Variants in SNX29 observed in about 807,000 individuals in gnomAD.
The protein encoded by SNX29 is sorting nexin-29.
A neutral mutation model predicts 102.1 loss-of-function variants in SNX29; 78 were observed. That is an observed-to-expected ratio of 0.76 (90% CI 0.64 to 0.92). The LOEUF is 0.92. Among genes scored for constraint, SNX29 ranks in the 40% least tolerant of loss-of-function variants. SNX29 has a pLI of 0.00. For missense variants in SNX29, 1,280 were observed against 1,061.7 expected (o/e 1.21, Z -2.86); for synonymous variants, 580 against 414.5 (o/e 1.40, Z -4.85).
chr16:12,472,105 C>A (rs190639171), intron 18 of SNX29, among the ~76,000 whole-genome samples: 6 of 152,228 alleles, frequency 3.9e-5, no homozygotes, highest in Non-Finnish European at 8.8e-5. Context: ...GAATACTATT[C>A]ATTAGTGCAA....
intron 13 of SNX29, among the ~76,000 whole-genome samples, chr16:12,195,985 C>CTTTTTTTTTTTTTTT (rs762409358): frequency 8.5e-6 from 1 of 117,980 alleles, no homozygotes; most frequent in African/African-American, 3.2e-5. Context: ...GTTTCTTTTC[C>CTTTTTTTTTTTTTTT]TTTTTTTTTT....
At chr16:12,218,980 T>C (rs2077399844) in intron 14 of SNX29, among the ~76,000 whole-genome samples, 1 of 152,114 alleles carries the variant, frequency 6.6e-6, no homozygotes, top group Non-Finnish European at 1.5e-5. Context: ...TTCACTGTGT[T>C]AGCCAGGTTG....
chr16:12,489,325 T>TG (rs1461650626), intron 19 of SNX29, among the ~76,000 whole-genome samples: 2 of 151,944 alleles, frequency 1.3e-5, no homozygotes, highest in Non-Finnish European at 2.9e-5. Context: ...TGCCACCAGT[T>TG]GGTTATTTCC....
intron 11 of SNX29, among the ~76,000 whole-genome samples, chr16:12,104,692 A>T (rs1325140267): frequency 2.0e-5 from 3 of 152,138 alleles, no homozygotes; most frequent in African/African-American, 7.2e-5. Context: ...TTATTTTCAT[A>T]AAGTGTAGTT....
chr16:12,136,938 C>A (rs1247421810), intron 13 of SNX29, among the ~76,000 whole-genome samples: 1 of 152,156 alleles, frequency 6.6e-6, no homozygotes, highest in African/African-American at 2.4e-5. Context: ...TGGGGTTTCA[C>A]CATGTTGGCC....
At position 12,568,885 on chromosome 16, in the gene SNX29, C is replaced by G. The variant is rs749383124; in HGVS notation, c.*256C>G. The G allele has an allele frequency of 5.6e-6, 3 of 537,894 alleles. No homozygotes were observed. Among genetic ancestry groups the G allele is most frequent in the Non-Finnish European group, 9.6e-6 (3 of 313,614 alleles). 33.3% of individuals were successfully genotyped at this position (537,894 alleles called of 1,614,324 possible). ...ACAGTCCTTCTGCTTCTGGGGTCTA[C>G]CCTGGGCTGCAAGGGCTGTTCCTCC... On this transcript the variant is annotated 3_prime_UTR_variant, in exon 21 of 21. Coordinates refer to ENST00000566228, the MANE Select transcript of SNX29 (RefSeq NM_032167.5).
In SNX29 at chr16:12,511,433, G is replaced by T. The variant is rs557301232; in HGVS notation, c.2179-13269G>T. 3.9e-4 allele frequency among the ~76,000 whole-genome samples: 60 copies of T among 152,256 alleles called. No homozygotes were observed. The South Asian group carries it at 0.012, about 30-fold the overall frequency. On this transcript the variant is annotated intron_variant, in intron 19 of 20. Coordinates refer to ENST00000566228, the MANE Select transcript of SNX29 (RefSeq NM_032167.5). ...GCAGGGGTATGCTGAGATAATGGAA[G>T]CAAACACTCCACATCGTGCTTGGCA...
chr16:11,995,177 T>C (rs1054654222), intron 1 of SNX29, among the ~76,000 whole-genome samples: 2 of 152,240 alleles, frequency 1.3e-5, no homozygotes, highest in African/African-American at 4.8e-5. Flanking sequence ...GCGATTCTCC[T>C]GCCTCAGCCT....
At chr16:12,519,706 C>G (rs1254712852) in intron 19 of SNX29, among the ~76,000 whole-genome samples, 1 of 152,252 alleles carries the variant, frequency 6.6e-6, no homozygotes, top group East Asian at 1.9e-4. Context: ...TAAAATTTTT[C>G]AGCAATCCGT....
chr16:12,185,580 CCT>C (rs1168028588), intron 13 of SNX29, among the ~76,000 whole-genome samples: 1 of 152,168 alleles, frequency 6.6e-6, no homozygotes, highest in Non-Finnish European at 1.5e-5. Context: ...TTTCTCTCTC[CCT>C]CTGTCTCTGC....
intron 20 of SNX29, among the ~76,000 whole-genome samples, chr16:12,564,554 C>G (rs919833589): frequency 1.3e-5 from 2 of 152,144 alleles, no homozygotes; most frequent in Admixed American, 6.5e-5. Flanking sequence ...CTTTGGCAAC[C>G]CATTCTTATG....
At chr16:12,353,527 T>C (rs1256479706) in intron 15 of SNX29, among the ~76,000 whole-genome samples, 2 of 152,150 alleles carry the variant, frequency 1.3e-5, no homozygotes, top group African/African-American at 4.8e-5. Flanking sequence ...ACACACACTG[T>C]CAGTAACTGA....
At chr16:12,368,594 C>G (rs10163343) in intron 16 of SNX29, among the ~76,000 whole-genome samples, 1 of 152,196 alleles carries the variant, frequency 6.6e-6, no homozygotes, top group African/African-American at 2.4e-5. Flanking sequence ...TCTCTGGCTT[C>G]ACTTCATGGT....
chr16:12,567,334 G>A (rs1009652920), intron 20 of SNX29, among the ~76,000 whole-genome samples: 7 of 152,272 alleles, frequency 4.6e-5, no homozygotes, highest in African/African-American at 1.4e-4. Context: ...CGCAGGAGTG[G>A]ACATGGATCC....
chr16:12,062,797 G>A (rs1276842645), intron 9 of SNX29, among the ~76,000 whole-genome samples: 2 of 151,164 alleles, frequency 1.3e-5, no homozygotes, highest in East Asian at 1.9e-4. Context: ...CACTTGGCAG[G>A]GAGCATAAAC....
Position 12,398,644 on chromosome 16 carries a change from G to A in SNX29, c.1955+143G>A, listed in dbSNP as rs2083812467. 8 of 896,080 alleles carry A rather than the reference G, an allele frequency of 8.9e-6. No individual in the cohort carries two copies. In the South Asian group the frequency reaches 9.2e-5, roughly 10 times the overall value. 55.5% of individuals were successfully genotyped at this position (896,080 alleles called of 1,614,324 possible). On this transcript the variant is annotated intron_variant, in intron 17 of 20. Transcript: ENST00000566228. The stretch of plus-strand genomic sequence containing the variant: ...GATGTGGTTCTTGTAGAGCTGGTAG[G>A]AGTCGCTCTCCTACAGCCTCAGTCT...
chr16:12,111,359 C>G (rs2053494834), intron 11 of SNX29, among the ~76,000 whole-genome samples: 1 of 152,160 alleles, frequency 6.6e-6, no homozygotes, highest in Admixed American at 6.5e-5. Flanking sequence ...GTGATGTGAC[C>G]CCTGCTGCCC....
chr16:12,401,466 TG>T (rs1244367402), intron 17 of SNX29, among the ~76,000 whole-genome samples: 7 of 147,094 alleles, frequency 4.8e-5, no homozygotes, highest in African/African-American at 1.3e-4. Context: ...CGGGTTCAAG[TG>T]ATTCTCCTGC....
At chr16:12,219,517 G>A (rs1381302854) in intron 14 of SNX29, among the ~76,000 whole-genome samples, 3 of 152,262 alleles carry the variant, frequency 2.0e-5, no homozygotes, top group South Asian at 2.1e-4. Flanking sequence ...CATACAACCT[G>A]TAGTGTGAAG....
Sources: gnomAD v4.1 joint callset for allele counts (sites outside exome capture counted in the v4.1 genomes callset) on GRCh38, gnomAD v4.1.1 for gene constraint, MANE v1.5 for transcripts, NCBI Gene and HGNC (gene_info 2026-07-23, HGNC 2026-07-21) for gene names.